The following SIPA1L3 variants were observed in gnomAD, a reference collection of about 807,000 sequenced individuals.
The protein encoded by SIPA1L3 is signal induced proliferation associated 1 like 3.
Under a neutral mutation model 150.1 loss-of-function variants are expected in SIPA1L3, and 59 were observed. The ratio of observed to expected loss-of-function variants is 0.39; its 90% confidence interval spans 0.32 to 0.49. The LOEUF (loss-of-function observed/expected upper bound fraction) is 0.49, where lower values mean the gene tolerates loss of function less well. Ranked by LOEUF, SIPA1L3 falls within the 20% of genes least tolerant of loss-of-function variation. The pLI, the probability that SIPA1L3 is intolerant of heterozygous loss-of-function variation, is 0.86. For synonymous variants in SIPA1L3, 1,070 were observed against 1,077.6 expected, an observed-to-expected ratio of 0.99 and a Z score of 0.14; for missense variants, 2,211 against 2,489.5, an observed-to-expected ratio of 0.89 and a Z score of 2.38.
Position 38,140,397 on chromosome 19 carries a change from C to CT in SIPA1L3, c.3144-771dup, listed in dbSNP as rs200086221. On this transcript the variant is annotated intron_variant, in intron 10 of 21. Coordinates refer to ENST00000222345, the MANE Select transcript of SIPA1L3 (RefSeq NM_015073.3). The stretch of plus-strand genomic sequence containing the variant: ...TATTTCAAGGTTGTAGATTTCATGG[C>CT]TTTTTTTTTTTTTTTTAACCACCCC... Among the ~76,000 whole-genome samples, 276 of 147,028 alleles carry CT rather than the reference C, an allele frequency of 1.9e-3. 2 individuals carry two copies. Among genetic ancestry groups the CT allele is most frequent in the East Asian group, 6.7e-3 (33 of 4,960 alleles).
At chr19:37,916,288 A>G (rs2046414124) in intron 1 of SIPA1L3, among the ~76,000 whole-genome samples, 1 of 151,770 alleles carries the variant, frequency 6.6e-6, no homozygotes, top group South Asian at 2.1e-4. Context: ...CAGCCTCCCA[A>G]AGTGCTGGGA....
At chr19:38,202,885 AC>A (rs1363195200) in intron 20 of SIPA1L3, among the ~76,000 whole-genome samples, 3 of 152,198 alleles carry the variant, frequency 2.0e-5, no homozygotes, top group Non-Finnish European at 4.4e-5. Flanking sequence ...TTGTCATCTC[AC>A]GCGTGGCTTC....
At chr19:38,130,444 C>T in intron 9 of SIPA1L3, 54 bp from the exon 10 acceptor site, 1 of 1,559,168 alleles carries the variant, frequency 6.4e-7, no homozygotes, top group Admixed American at 1.8e-5. Flanking sequence ...AGGGGTCTTC[C>T]AGAGGAGCTG....
intron 1 of SIPA1L3, among the ~76,000 whole-genome samples, chr19:37,951,383 G>A (rs1243341976): frequency 6.6e-6 from 1 of 152,216 alleles, no homozygotes; most frequent in Non-Finnish European, 1.5e-5. Context: ...CTCAACCACA[G>A]TGTCATCCTT....
chr19:37,977,265 G>A (rs1340497233), intron 1 of SIPA1L3, among the ~76,000 whole-genome samples: 5 of 152,036 alleles, frequency 3.3e-5, no homozygotes, highest in Non-Finnish European at 7.4e-5. Flanking sequence ...CCTGGGTTCA[G>A]GCGATTCTTC....
intron 9 of SIPA1L3, among the ~76,000 whole-genome samples, 176 bp downstream of exon 9, chr19:38,120,058 T>A (rs1161209940): frequency 1.3e-5 from 2 of 152,194 alleles, no homozygotes; most frequent in Non-Finnish European, 2.9e-5. Flanking sequence ...GTTCTTCCTC[T>A]GGAAGGTTTG....
chr19:38,145,890 T>A (rs1306429058), intron 12 of SIPA1L3, among the ~76,000 whole-genome samples: 1 of 151,808 alleles, frequency 6.6e-6, no homozygotes, highest in Non-Finnish European at 1.5e-5. Flanking sequence ...AGACAAAGTC[T>A]CACTCTGTCA....
chr19:37,914,122 G>A (rs1200866817), intron 1 of SIPA1L3, among the ~76,000 whole-genome samples: 1 of 152,014 alleles, frequency 6.6e-6, no homozygotes, highest in Admixed American at 6.6e-5. Context: ...GCAAATGGCT[G>A]ATGGGGCAAG....
chr19:38,016,317 T>A (rs1968229901), intron 1 of SIPA1L3, among the ~76,000 whole-genome samples: 1 of 152,218 alleles, frequency 6.6e-6, no homozygotes, highest in South Asian at 2.1e-4. Flanking sequence ...AAAACACTTC[T>A]AAGGCCAGCT....
Position 38,124,967 on chromosome 19 carries a change from G to A in SIPA1L3, c.2868+5085G>A, listed in dbSNP as rs974864394. ...GATGGCAGCAGTACAGTCCAGCTTC[G>A]GCTCGGGATCAGAGGGAGACTGTGG... is the stretch of plus-strand genomic sequence containing the variant. On this transcript the variant is annotated intron_variant, in intron 9 of 21. Coordinates refer to ENST00000222345, the MANE Select transcript of SIPA1L3 (RefSeq NM_015073.3). Among the ~76,000 whole-genome samples, 8 of 151,988 alleles carry A rather than the reference G, an allele frequency of 5.3e-5. 1 individual carries two copies. Among genetic ancestry groups the A allele is most frequent in the Non-Finnish European group, 1.2e-4 (8 of 67,992 alleles).
intron 4 of SIPA1L3, among the ~76,000 whole-genome samples, chr19:38,089,763 T>C (rs932780652): frequency 2.0e-5 from 3 of 152,216 alleles, no homozygotes; most frequent in Non-Finnish European, 4.4e-5. Context: ...CTCTAAATTG[T>C]AAGTGACAGA....
chr19:37,926,441 G>C (rs1305007432), intron 1 of SIPA1L3, among the ~76,000 whole-genome samples: 1 of 152,174 alleles, frequency 6.6e-6, no homozygotes, highest in Non-Finnish European at 1.5e-5. Flanking sequence ...AGAGGGAGGG[G>C]CACCCGCGGA....
At chr19:38,138,093 TGCACTCTAGCCTGG>T (rs1380248090) in intron 10 of SIPA1L3, among the ~76,000 whole-genome samples, 1 of 151,870 alleles carries the variant, frequency 6.6e-6, no homozygotes, top group Non-Finnish European at 1.5e-5. Flanking sequence ...ATCACGCCAC[TGCACTCTAGCCTGG>T]GCAACAGAGC....
At chr19:38,086,144 T>C (rs1970125984) in intron 3 of SIPA1L3, among the ~76,000 whole-genome samples, 1 of 152,138 alleles carries the variant, frequency 6.6e-6, no homozygotes, top group Non-Finnish European at 1.5e-5. Flanking sequence ...GATAACCTAA[T>C]GAAAACTTGA....
At chr19:38,187,790 G>T (rs1972720474) in intron 16 of SIPA1L3, among the ~76,000 whole-genome samples, 1 of 150,886 alleles carries the variant, frequency 6.6e-6, no homozygotes, top group African/African-American at 2.4e-5. Context: ...CTGAGGTCAG[G>T]AGTTCAAGAC....
intron 2 of SIPA1L3, among the ~76,000 whole-genome samples, chr19:38,035,580 C>T (rs1481488594): frequency 1.3e-5 from 2 of 152,080 alleles, no homozygotes; most frequent in Non-Finnish European, 2.9e-5. Context: ...TAGCTGAGCC[C>T]GTGACTAGCC....
At chr19:37,998,854 A>G (rs541904223) in intron 1 of SIPA1L3, among the ~76,000 whole-genome samples, 27 of 152,296 alleles carry the variant, frequency 1.8e-4, no homozygotes, top group Admixed American at 1.7e-3. Flanking sequence ...AATAAAGAAT[A>G]GATGAAGCTA....
chr19:37,995,275 T>C lies in SIPA1L3; in HGVS notation c.-378-33814T>C, dbSNP rs755485287. Among the ~76,000 whole-genome samples, 3 of 152,160 alleles carry C rather than the reference T, an allele frequency of 2.0e-5. No individual in the cohort carries two copies. In the East Asian group the frequency reaches 5.8e-4, roughly 29 times the overall value. Reference sequence around the variant, plus strand: ...GACAGGGGATGGCAGTGGCATCCGCTAGACAACCAAGTGTCTGCTGTGGGT... The same window carrying C: ...GACAGGGGATGGCAGTGGCATCCGCCAGACAACCAAGTGTCTGCTGTGGGT... On this transcript the variant is annotated intron_variant, in intron 1 of 21. Transcript: ENST00000222345.
chr19:37,988,300 C>T (rs1156328964), intron 1 of SIPA1L3, among the ~76,000 whole-genome samples: 1 of 152,208 alleles, frequency 6.6e-6, no homozygotes, highest in Non-Finnish European at 1.5e-5. Context: ...GGGAGGATTG[C>T]TGGAACCCAG....
Sources: allele counts gnomAD v4.1 joint callset (sites outside exome capture counted in the v4.1 genomes callset), GRCh38; gene constraint gnomAD v4.1.1; transcripts MANE v1.5; gene names NCBI Gene and HGNC (gene_info 2026-07-23, HGNC 2026-07-21).